The following DPP6 variants were observed in gnomAD, a reference collection of about 807,000 sequenced individuals.
DPP6 encodes A-type potassium channel modulatory protein DPP6.
Under a neutral mutation model 122.6 loss-of-function variants are expected in DPP6, and 69 were observed. The ratio of observed to expected loss-of-function variants is 0.56; its 90% CI spans 0.46 to 0.69. The LOEUF (loss-of-function observed/expected upper bound fraction) is 0.69. Among genes scored for constraint, DPP6 ranks in the 30% least tolerant of loss-of-function variants. DPP6 has a pLI of 0.00. For missense variants in DPP6, 928 were observed against 1,116.9 expected, an observed-to-expected ratio of 0.83 and a Z score of 2.41; for synonymous variants, 418 against 433.1, an observed-to-expected ratio of 0.97 and a Z score of 0.43.
intron 7 of DPP6, among the ~76,000 whole-genome samples, chr7:154,700,162 A>G (rs1203024378): frequency 6.6e-6 from 1 of 152,248 alleles, no homozygotes. Context: ...CCATCAATGC[A>G]TGGCACCATT....
intron 16 of DPP6, among the ~76,000 whole-genome samples, chr7:154,840,586 G>A (rs1801445974): frequency 6.6e-6 from 1 of 152,230 alleles, no homozygotes. Context: ...TTATTCCCAT[G>A]ATGAGCATGT....
chr7:154,429,955 G>A (rs970695245), intron 1 of DPP6, among the ~76,000 whole-genome samples: 4 of 152,142 alleles, frequency 2.6e-5, no homozygotes, highest in African/African-American at 9.7e-5. Context: ...CTGGTTTCTG[G>A]AATACAGGCC....
chr7:153,749,681 G>A, the DPP6 span, among the ~76,000 whole-genome samples: 21 of 152,240 alleles, frequency 1.4e-4, no homozygotes, highest in African/African-American at 4.1e-4. This position sits in a 1 kb window ranked among gnomAD's most constrained non-coding sequence, Gnocchi z 4.1. Context: ...TCCGGATTTC[G>A]CACGGATCCT....
intron 1 of DPP6, among the ~76,000 whole-genome samples, chr7:154,316,455 C>T (rs1034047531): frequency 3.9e-5 from 6 of 152,198 alleles, no homozygotes; most frequent in Admixed American, 3.9e-4. Flanking sequence ...GTTGTTGAAA[C>T]AGAAGCTTCA....
At chr7:154,439,683 C>CTGTT (rs3056508) in intron 1 of DPP6, among the ~76,000 whole-genome samples, 21,311 of 152,020 alleles carry the variant, frequency 0.14, 1,924 homozygotes, top group East Asian at 0.37. Context: ...AATAATTTGC[C>CTGTT]TGTTTGTTTT....
intron 1 of DPP6, among the ~76,000 whole-genome samples, chr7:154,363,959 A>AATCC (rs1811945036): frequency 6.6e-6 from 1 of 152,290 alleles, no homozygotes; most frequent in African/African-American, 2.4e-5. Flanking sequence ...ACAAAACAGC[A>AATCC]ATCCTGCTTT....
chr7:154,565,963 AG>A lies in DPP6; in HGVS notation c.553-878del, dbSNP rs1830721126. The stretch of plus-strand genomic sequence containing the variant: ...GGTATCTGTGGAGCAATGTGCTTGC[AG>A]TGCAGAGGGCAGGGGCAATTAAAAG... On this transcript the variant is annotated intron_variant, in intron 4 of 25. Transcript: ENST00000377770. Among the ~76,000 whole-genome samples the A allele has an allele frequency of 2.0e-5, 3 of 152,202 alleles. No homozygotes were observed. The South Asian group carries it at 6.2e-4, about 31-fold the overall frequency.
intron 1 of DPP6, among the ~76,000 whole-genome samples, chr7:154,369,335 T>G (rs1812448761): frequency 6.6e-6 from 1 of 152,110 alleles, no homozygotes; most frequent in Admixed American, 6.5e-5. Flanking sequence ...TTACTTCTGT[T>G]GCTGAAGTTT....
intron 1 of DPP6, among the ~76,000 whole-genome samples, chr7:154,288,083 C>T (rs765520640): frequency 5.3e-5 from 8 of 152,180 alleles, no homozygotes; most frequent in Admixed American, 4.6e-4. Context: ...GGTTGTTCCC[C>T]GCAGTCACAT....
At chr7:154,756,713 G>T (rs1331687917) in intron 8 of DPP6, among the ~76,000 whole-genome samples, 1 of 152,130 alleles carries the variant, frequency 6.6e-6, no homozygotes, top group Non-Finnish European at 1.5e-5. Context: ...AGCCTGCTAG[G>T]ATGGTCCTTG....
the DPP6 span, among the ~76,000 whole-genome samples, chr7:153,778,576 T>G: frequency 6.7e-6 from 1 of 149,440 alleles, no homozygotes; most frequent in Middle Eastern, 3.2e-3. Context: ...TACTCAACCA[T>G]GTCTACAATT....
chr7:153,982,844 G>C (rs746889475), intron 1 of DPP6, among the ~76,000 whole-genome samples: 6 of 152,218 alleles, frequency 3.9e-5, no homozygotes, highest in South Asian at 4.1e-4. Flanking sequence ...GTCCACTCCA[G>C]ACCCTGTTTG....
At chr7:154,891,946 T>C (rs772217818) in intron 25 of DPP6, among the ~76,000 whole-genome samples, 5 of 152,074 alleles carry the variant, frequency 3.3e-5, no homozygotes, top group Non-Finnish European at 4.4e-5. Flanking sequence ...TGTATCCATG[T>C]TGCAAATTCA....
chr7:153,856,349 C>A, the DPP6 span, among the ~76,000 whole-genome samples: 1 of 152,146 alleles, frequency 6.6e-6, no homozygotes, highest in Admixed American at 6.6e-5. Flanking sequence ...TTGTATGAGG[C>A]TTTGGTTAAA....
intron 1 of DPP6, among the ~76,000 whole-genome samples, chr7:154,365,849 T>G (rs1465236835): frequency 2.0e-5 from 3 of 150,890 alleles, no homozygotes; most frequent in Admixed American, 6.6e-5. Context: ...TCCCAGCTAC[T>G]CGGGAGGCTG....
intron 1 of DPP6, among the ~76,000 whole-genome samples, chr7:153,920,727 A>C (rs1489673058): frequency 1.3e-5 from 2 of 151,304 alleles, no homozygotes; most frequent in East Asian, 3.9e-4. Flanking sequence ...TGCCTGGCTA[A>C]TTTTTGTATT....
intron 7 of DPP6, among the ~76,000 whole-genome samples, chr7:154,681,545 G>A (rs535907101): frequency 2.0e-5 from 3 of 152,326 alleles, no homozygotes; most frequent in African/African-American, 7.2e-5. Context: ...TCGTCCTGTG[G>A]AGGGAGCAGC....
intron 1 of DPP6, among the ~76,000 whole-genome samples, chr7:154,401,868 C>T (rs1815637150): frequency 6.6e-6 from 1 of 152,212 alleles, no homozygotes; most frequent in East Asian, 1.9e-4. Context: ...GGCTAATATC[C>T]AGAATCTACA....
At chr7:154,423,342 A>G (rs1378774369) in intron 1 of DPP6, among the ~76,000 whole-genome samples, 1 of 152,160 alleles carries the variant, frequency 6.6e-6, no homozygotes, top group Non-Finnish European at 1.5e-5. Flanking sequence ...ACTGGCAATT[A>G]TGGAAGTTAG....
Sources: gnomAD v4.1 joint callset for allele counts (sites outside exome capture counted in the v4.1 genomes callset) on GRCh38, gnomAD v4.1.1 for gene constraint, Gnocchi (gnomAD v3.1) non-coding constraint, MANE v1.5 for transcripts, NCBI Gene and HGNC (gene_info 2026-07-23, HGNC 2026-07-21) for gene names.